Variants in AXIN2 observed in about 807,000 individuals in gnomAD.
AXIN2 encodes the protein axin-2.
In AXIN2, 21 loss-of-function variants were observed where a neutral mutation model predicts 74.7. The observed-to-expected ratio is 0.28, with a 90% confidence interval of 0.20 to 0.40. The LOEUF (loss-of-function observed/expected upper bound fraction) is 0.40. Ranked by LOEUF, AXIN2 falls within the 10% of genes least tolerant of loss-of-function variation. AXIN2 has a pLI of 1.00. For missense variants in AXIN2, 1,144 were observed against 1,111.1 expected (o/e 1.03, Z -0.42); for synonymous variants, 532 against 454.9 (o/e 1.17, Z -2.16).
intron 5 of AXIN2, 30 bp downstream of exon 5, chr17:65,538,173 G>C (rs1480605286): frequency 1.2e-6 from 2 of 1,614,082 alleles, no homozygotes; most frequent in East Asian, 2.2e-5. Context: ...GCCGTGGACG[G>C]AAGCAGGAAG....
chr17:65,552,757 G>A (rs939238032), intron 2 of AXIN2, among the ~76,000 whole-genome samples: 5 of 152,122 alleles, frequency 3.3e-5, no homozygotes, highest in African/African-American at 1.2e-4. Context: ...AGCCAGGCAC[G>A]GTGACCCACG....
rs1321803175 is a variant in AXIN2, at chr17:65,537,611, C to T, written c.1425G>A (p.Ser475=). Residue 475 remains serine (S), a synonymous_variant, in exon 6 of 11, where the codon TCG becomes TCA. Transcript: ENST00000307078. The part of the protein sequence containing the change: ...RSPDHHHHHH[S]QYHSLLPPGG... The stretch of plus-strand genomic sequence containing the variant: ...CGGGCGGGAGCAGGGAGTGGTACTG[C>T]GAATGGTGGTGGTGGTGGTGGTCCG... The T allele has an allele frequency of 1.9e-6, 3 of 1,599,888 alleles. No individual in the cohort carries two copies. The highest frequency in any genetic ancestry group is 1.3e-5 in the African/African-American group (1 of 74,890).
At chr17:65,534,323 T>C (rs1207934296) in intron 9 of AXIN2, among the ~76,000 whole-genome samples, 1 of 152,164 alleles carries the variant, frequency 6.6e-6, no homozygotes, top group African/African-American at 2.4e-5. Flanking sequence ...TTCCTTTTGG[T>C]TGTACAAATT....
rs1367434836 is a variant in AXIN2 at position 65,537,997 on chromosome 17, T to C, written c.1201-162A>G. ...GCACAGGCCCGCCTACACAAGCACA[T>C]ATCCACACGCATATGCACACCCACA... On this transcript the variant is annotated intron_variant, in intron 5 of 10. Transcript: ENST00000307078. 9 of 1,313,558 alleles carry C rather than the reference T, an allele frequency of 6.9e-6. No homozygotes were observed. In the East Asian group the frequency reaches 1.8e-4, roughly 26 times the overall value. 81.4% of individuals were successfully genotyped at this position (1,313,558 alleles called of 1,614,324 possible).
Position 65,538,268 on chromosome 17 carries a change from C to G in AXIN2, c.1135G>C (p.Glu379Gln). 6.2e-7 allele frequency: 1 copy of G among 1,614,228 alleles called. No individual in the cohort carries two copies. Among genetic ancestry groups the G allele is most frequent in the Non-Finnish European group, 8.5e-7 (1 of 1,180,040 alleles). The change falls in exon 5 of 11, where the codon GAA becomes CAA. Residue 379 changes from glutamate (E) to glutamine (Q), a missense_variant. Around this residue, in one of 4 missense-constraint regions of AXIN2, gnomAD observed 1,053 missense variants for 973.5 expected, o/e 1.08. Transcript: ENST00000307078. ...CTCTCCAACTCCAGCTTCAGCTTTT[C>G]CAGCCTCGAGATCAGCTCAGCTGCA... is the stretch of plus-strand genomic sequence containing the variant. ...TFAAELISRLEKLKLELESRH... is the reference protein window; with the variant it reads ...TFAAELISRLQKLKLELESRH...
intron 2 of AXIN2, among the ~76,000 whole-genome samples, chr17:65,552,547 C>G (rs947643354): frequency 6.6e-6 from 1 of 152,166 alleles, no homozygotes; most frequent in East Asian, 1.9e-4. Flanking sequence ...CTGCTGCCGG[C>G]TTGGCTGCAG....
chr17:65,532,337 A>G (rs1208696212), intron 10 of AXIN2, among the ~76,000 whole-genome samples: 2 of 152,216 alleles, frequency 1.3e-5, no homozygotes, highest in Non-Finnish European at 2.9e-5. Context: ...CTCGAAGTCC[A>G]GCCGAGACAA....
intron 2 of AXIN2, among the ~76,000 whole-genome samples, chr17:65,553,059 G>A (rs2044216997): frequency 6.6e-6 from 1 of 151,974 alleles, no homozygotes; most frequent in South Asian, 2.1e-4. Context: ...CAAAAAACCA[G>A]AGAGCTCCCA....
chr17:65,531,436 AGAG>A (rs1482671879), intron 10 of AXIN2, among the ~76,000 whole-genome samples: 1 of 151,914 alleles, frequency 6.6e-6, no homozygotes, highest in East Asian at 1.9e-4. Context: ...GGGGAGCGTG[AGAG>A]GAGACAGTGA....
At chr17:65,530,811 A>G (rs1324917570) in intron 10 of AXIN2, among the ~76,000 whole-genome samples, 1 of 152,140 alleles carries the variant, frequency 6.6e-6, no homozygotes, top group Non-Finnish European at 1.5e-5. Flanking sequence ...CTCCAGGGTC[A>G]AACACCAAAG....
At chr17:65,539,462 C>T (rs1017081383) in intron 4 of AXIN2, among the ~76,000 whole-genome samples, 1 of 152,136 alleles carries the variant, frequency 6.6e-6, no homozygotes, top group African/African-American at 2.4e-5. Context: ...TTTGCACACC[C>T]CAGGACAAAA....
intron 3 of AXIN2, among the ~76,000 whole-genome samples, chr17:65,544,301 G>C (rs1174729735): frequency 1.3e-5 from 2 of 151,800 alleles, no homozygotes; most frequent in Non-Finnish European, 2.9e-5. Context: ...GGTAGGGATG[G>C]GGAGGGGAGT....
Position 65,537,673 on chromosome 17 carries a change from G to C in AXIN2, c.1363C>G (p.Pro455Ala), listed in dbSNP as rs779863826. 25 of 1,557,668 alleles carry C rather than the reference G, an allele frequency of 1.6e-5. No individual in the cohort carries two copies. The highest frequency in any genetic ancestry group is 5.4e-5 in the African/African-American group (4 of 73,802). ...CGGGGGCTATAGCGGCCTACGCCTG[G>C]AGACTGGCAGCCAGGGGTCTTGAGG... ...RVLKTPGCQS[P>A]GVGRYSPRSR... The change falls in exon 6 of 11, where the codon CCA becomes GCA. Residue 455 changes from proline to alanine, a missense_variant. By Grantham distance (27) the Pro-to-Ala change is conservative (BLOSUM62 -1). Transcript: ENST00000307078.
At chr17:65,531,628 C>G (rs767322460) in intron 10 of AXIN2, among the ~76,000 whole-genome samples, 1 of 152,116 alleles carries the variant, frequency 6.6e-6, no homozygotes, top group Non-Finnish European at 1.5e-5. Flanking sequence ...AAACACGCAG[C>G]GACCTTTTAC....
At chr17:65,549,746 C>T in intron 2 of AXIN2, 86 bp from the exon 3 acceptor site, 1 of 1,512,796 alleles carries the variant, frequency 6.6e-7, no homozygotes, top group Non-Finnish European at 9.0e-7. Context: ...ACCCAGCACA[C>T]TATCCCACAA....
At chr17:65,541,345 C>G in intron 4 of AXIN2, 110 bp downstream of exon 4, 1 of 986,220 alleles carries the variant, frequency 1.0e-6, no homozygotes, top group East Asian at 2.4e-5. Context: ...ACCTTAGGTA[C>G]TGCTCTTTTC....
chr17:65,544,858 G>A (rs1008054390), intron 3 of AXIN2, among the ~76,000 whole-genome samples: 5 of 152,076 alleles, frequency 3.3e-5, no homozygotes, highest in Non-Finnish European at 7.4e-5. Flanking sequence ...ATTTTCTGGC[G>A]ACTTTGAAAT....
At chr17:65,556,621 A>C in intron 2 of AXIN2, among the ~76,000 whole-genome samples, 1 of 151,696 alleles carries the variant, frequency 6.6e-6, no homozygotes, top group African/African-American at 2.4e-5. Flanking sequence ...CCAACAGTCA[A>C]CTCTCTCTGC....
intron 4 of AXIN2, among the ~76,000 whole-genome samples, chr17:65,539,094 GGCACCGA>G (rs1363631511): frequency 6.6e-6 from 1 of 152,152 alleles, no homozygotes; most frequent in Non-Finnish European, 1.5e-5. Context: ...AATATAAAAA[GGCACCGA>G]GTACGCCTGC....
Sources: gnomAD v4.1 joint callset for allele counts (sites outside exome capture counted in the v4.1 genomes callset) on GRCh38, gnomAD v4.1.1 for gene constraint, gnomAD v4.1.1 regional missense constraint, MANE v1.5 for transcripts, NCBI Gene and HGNC (gene_info 2026-07-23, HGNC 2026-07-21) for gene names.